NRXN3: variants seen among roughly 807,000 people sequenced by gnomAD.
NRXN3 encodes neurexin III.
In NRXN3, 32 loss-of-function variants were observed where a neutral mutation model predicts 137.6. The ratio of observed to expected loss-of-function variants is 0.23; its 90% CI spans 0.18 to 0.31. NRXN3 has a LOEUF of 0.31. NRXN3 is among the 10% of genes least tolerant of loss of function. NRXN3 has a pLI of 1.00. For synonymous variants in NRXN3, 798 were observed against 784.5 expected, an observed-to-expected ratio of 1.02 and a Z score of -0.29; for missense variants, 1,574 against 2,062.5, an observed-to-expected ratio of 0.76 and a Z score of 4.59.
At chr14:79,613,961 T>TATGG (rs1476341210) in intron 16 of NRXN3, among the ~76,000 whole-genome samples, 1 of 152,258 alleles carries the variant, frequency 6.6e-6, no homozygotes, top group South Asian at 2.1e-4. Flanking sequence ...CTGGCATTTT[T>TATGG]ATGGATGGAT....
intron 1 of NRXN3, among the ~76,000 whole-genome samples, chr14:78,171,723 C>T (rs1373754668): frequency 6.7e-6 from 1 of 150,270 alleles, no homozygotes; most frequent in African/African-American, 2.5e-5. Flanking sequence ...GGTGACTTAC[C>T]CTGTGATTAC....
chr14:79,718,557 T>C (rs911686187), intron 19 of NRXN3, among the ~76,000 whole-genome samples: 1 of 152,194 alleles, frequency 6.6e-6, no homozygotes, highest in Non-Finnish European at 1.5e-5. Context: ...TACATGGCTA[T>C]TGCTTTAATT....
chr14:79,263,180 G>A (rs1332746304), intron 15 of NRXN3, among the ~76,000 whole-genome samples: 3 of 152,078 alleles, frequency 2.0e-5, no homozygotes, highest in African/African-American at 7.2e-5. Flanking sequence ...ATCCTTTAAT[G>A]GAATTCTTTT....
intron 20 of NRXN3, among the ~76,000 whole-genome samples, chr14:79,812,319 C>A (rs1186145920): frequency 1.3e-5 from 2 of 151,890 alleles, no homozygotes; most frequent in African/African-American, 4.8e-5. Context: ...GCTGGGAAAA[C>A]AAAAGTATTT....
chr14:78,471,921 A>G (rs1190889156), intron 4 of NRXN3, among the ~76,000 whole-genome samples: 1 of 152,218 alleles, frequency 6.6e-6, no homozygotes, highest in African/African-American at 2.4e-5. Context: ...AACCAACCTA[A>G]AAGAAAAGTC....
At chr14:78,995,314 A>G (rs1228454934) in intron 15 of NRXN3, among the ~76,000 whole-genome samples, 2 of 152,188 alleles carry the variant, frequency 1.3e-5, no homozygotes, top group African/African-American at 4.8e-5. Context: ...CCATACTCCA[A>G]ACTATTTATA....
At chr14:79,261,822 T>A (rs1568840089) in intron 15 of NRXN3, among the ~76,000 whole-genome samples, 1 of 152,022 alleles carries the variant, frequency 6.6e-6, no homozygotes, top group Non-Finnish European at 1.5e-5. Flanking sequence ...GAAGTGAGGA[T>A]GGGAGAGGGT....
intron 4 of NRXN3, among the ~76,000 whole-genome samples, chr14:78,431,240 T>G (rs1198010906): frequency 6.6e-6 from 1 of 152,200 alleles, no homozygotes; most frequent in Non-Finnish European, 1.5e-5. Flanking sequence ...ATTCAAATAA[T>G]GTTTATGGAT....
intron 4 of NRXN3, among the ~76,000 whole-genome samples, chr14:78,610,681 T>C (rs1261668967): frequency 4.6e-5 from 7 of 152,236 alleles, no homozygotes; most frequent in Non-Finnish European, 1.0e-4. Flanking sequence ...AAACTGGTTT[T>C]TGTATTCTGA....
intron 8 of NRXN3, among the ~76,000 whole-genome samples, chr14:78,773,913 T>A (rs890473419): frequency 6.6e-6 from 1 of 152,146 alleles, no homozygotes; most frequent in African/African-American, 2.4e-5. Context: ...GCGATTCTCC[T>A]GCCTCAGCCT....
In NRXN3 at chr14:78,673,668, C is replaced by A. The variant is rs76112125; in HGVS notation, c.1221+22342C>A. The stretch of plus-strand genomic sequence containing the variant: ...TGCTTCTTGGTCTGCAGATGGCCTT[C>A]TTTTTGTATCCTCACATGGTGGAAA... On this transcript the variant is annotated intron_variant, in intron 6 of 20. Coordinates refer to ENST00000335750, the MANE Select transcript of NRXN3 (RefSeq NM_001330195.2). Among the ~76,000 whole-genome samples the A allele has an allele frequency of 5.1e-3, 783 of 152,284 alleles. 11 individuals are homozygous for A. Among genetic ancestry groups the A allele is most frequent in the African/African-American group, 0.018 (735 of 41,560 alleles).
At chr14:79,085,580 A>G (rs952826075) in intron 15 of NRXN3, among the ~76,000 whole-genome samples, 3 of 152,184 alleles carry the variant, frequency 2.0e-5, no homozygotes, top group Admixed American at 6.6e-5. Context: ...ATATAAATCA[A>G]TAATTTTCAT....
At chr14:78,424,340 C>A (rs2093578444) in intron 4 of NRXN3, among the ~76,000 whole-genome samples, 1 of 152,190 alleles carries the variant, frequency 6.6e-6, no homozygotes, top group African/African-American at 2.4e-5. Flanking sequence ...CCTGGGCCTT[C>A]CCCTTGATGT....
intron 15 of NRXN3, among the ~76,000 whole-genome samples, chr14:79,025,615 C>T (rs1197279808): frequency 3.3e-5 from 5 of 152,160 alleles, no homozygotes; most frequent in Non-Finnish European, 4.4e-5. Context: ...TCCCTGTGAA[C>T]ACTTTCTGTA....
intron 8 of NRXN3, among the ~76,000 whole-genome samples, chr14:78,724,513 G>A (rs1310299842): frequency 6.6e-6 from 1 of 151,678 alleles, no homozygotes; most frequent in East Asian, 1.9e-4. Flanking sequence ...AAGAAACTGA[G>A]GCCTCCAGGT....
At chr14:78,572,112 GGTTTGT>G (rs2096895304) in intron 4 of NRXN3, among the ~76,000 whole-genome samples, 2 of 152,114 alleles carry the variant, frequency 1.3e-5, no homozygotes, top group Admixed American at 1.3e-4. Flanking sequence ...TGTCAGTGCT[GGTTTGT>G]AAAACATGAA....
chr14:79,458,056 A>G (rs944702418), intron 15 of NRXN3, among the ~76,000 whole-genome samples: 4 of 152,144 alleles, frequency 2.6e-5, no homozygotes, highest in Non-Finnish European at 4.4e-5. Flanking sequence ...CTTTTAGTTA[A>G]TGCTCTGTAA....
chr14:79,691,669 C>T (rs766271717), intron 17 of NRXN3, among the ~76,000 whole-genome samples: 80 of 151,978 alleles, frequency 5.3e-4, no homozygotes, highest in Admixed American at 1.1e-3. Flanking sequence ...TTTCCCCTGT[C>T]GGAACATAAA....
intron 4 of NRXN3, among the ~76,000 whole-genome samples, chr14:78,497,639 C>T (rs2095809386): frequency 6.6e-6 from 1 of 152,044 alleles, no homozygotes; most frequent in Non-Finnish European, 1.5e-5. Flanking sequence ...TCCATCTGTC[C>T]ACCCATCTGT....
Sources: allele counts gnomAD v4.1 joint callset (sites outside exome capture counted in the v4.1 genomes callset), GRCh38; gene constraint gnomAD v4.1.1; transcripts MANE v1.5; gene names NCBI Gene and HGNC (gene_info 2026-07-23, HGNC 2026-07-21).